The following PSTPIP1 variants were observed in gnomAD, a reference collection of about 807,000 sequenced individuals.
The protein encoded by PSTPIP1 is proline-serine-threonine phosphatase interacting protein 1, also known as proline-serine-threonine phosphatase-interacting protein 1.
Under a neutral mutation model 69.6 loss-of-function variants are expected in PSTPIP1, and 66 were observed. The observed-to-expected ratio is 0.95, with a 90% confidence interval of 0.78 to 1.16. PSTPIP1 has a LOEUF of 1.16. Among genes scored for constraint, PSTPIP1 ranks in the 50% most tolerant of loss-of-function variants. PSTPIP1 has a pLI of 0.00. For synonymous variants in PSTPIP1, 266 were observed against 222.7 expected (o/e 1.19, Z -1.73); for missense variants, 603 against 557.4 (o/e 1.08, Z -0.82).
rs2152692050 is a variant in PSTPIP1, at chr15:77,035,880, GA to G, written c.1067del (p.Asn356ThrfsTer33). ...GCCATCGCAGTGCAGGAGATACAGGGAAACCCGGCCTCACCAGCCCAGGAGT... is the reference window on the plus strand; with the variant it reads ...GCCATCGCAGTGCAGGAGATACAGGGAACCCGGCCTCACCAGCCCAGGAGT... ...YTAIAVQEIQ[G>X]NPASPAQEYR... is the part of the protein sequence containing the mutation. On this transcript the variant is annotated frameshift_variant, in exon 14 of 15. Coordinates refer to ENST00000558012, the MANE Select transcript of PSTPIP1 (RefSeq NM_003978.5). LOFTEE classifies it high-confidence loss of function. 6.2e-7 allele frequency: 1 copy of G among 1,610,480 alleles called. No homozygotes were observed.
Position 77,025,623 on chromosome 15 carries a change from G to T in PSTPIP1, c.354+19G>T, listed in dbSNP as rs1437812523. The T allele has an allele frequency of 1.3e-6, 2 of 1,530,032 alleles. No homozygotes were observed. The highest frequency in any genetic ancestry group is 1.4e-5 in the African/African-American group (1 of 72,638). 94.8% of individuals were successfully genotyped at this position (1,530,032 alleles called of 1,614,324 possible). The stretch of plus-strand genomic sequence containing the variant: ...GAAGAAGGTGAGGCAGGTGCAGGGG[G>T]CGGGGGAGCTGCTCCCCCATTGCCA... On this transcript the variant is annotated intron_variant, in intron 5 of 14. Transcript: ENST00000558012.
intron 12 of PSTPIP1, among the ~76,000 whole-genome samples, chr15:77,034,122 A>C (rs927549510): frequency 7.2e-5 from 11 of 152,104 alleles, no homozygotes; most frequent in African/African-American, 2.7e-4. Flanking sequence ...TGGGGCATCT[A>C]GAAGCCAGGC....
At chr15:77,007,880 C>T (rs1217081955) in intron 1 of PSTPIP1, 1 of 455,912 alleles carries the variant, frequency 2.2e-6, no homozygotes, top group Non-Finnish European at 4.4e-6. Context: ...AAGTGTGAGC[C>T]ACCGCGCCCG....
intron 1 of PSTPIP1, 135 bp from the exon 2 acceptor site, chr15:77,018,013 C>G: frequency 1.2e-6 from 1 of 839,164 alleles, no homozygotes; most frequent in East Asian, 2.7e-5. Context: ...TCTGGAGTCC[C>G]AAGAGCTTGC....
intron 1 of PSTPIP1, among the ~76,000 whole-genome samples, chr15:77,010,189 G>A (rs1170871760): frequency 6.6e-6 from 1 of 152,180 alleles, no homozygotes; most frequent in Admixed American, 6.5e-5. Flanking sequence ...GCCTCCAACT[G>A]CCAAATCAGC....
chr15:77,024,989 C>G (rs1312259793), intron 3 of PSTPIP1, among the ~76,000 whole-genome samples: 4 of 152,144 alleles, frequency 2.6e-5, no homozygotes, highest in Non-Finnish European at 4.4e-5. Context: ...ATCCCCTCTT[C>G]TCTAAGAATG....
intron 1 of PSTPIP1, among the ~76,000 whole-genome samples, chr15:77,010,488 C>T (rs1351387550): frequency 6.6e-6 from 1 of 152,174 alleles, no homozygotes; most frequent in East Asian, 1.9e-4. Context: ...CAGACACCTG[C>T]TCCATCTCCC....
chr15:77,012,492 T>C (rs2075965960), intron 1 of PSTPIP1, among the ~76,000 whole-genome samples: 2 of 142,298 alleles, frequency 1.4e-5, no homozygotes, highest in Non-Finnish European at 3.1e-5. Context: ...CACCCATCCA[T>C]CCACCCACCC....
rs573177137 is a variant in PSTPIP1 at position 77,027,046 on chromosome 15, G to A, written c.355-806G>A. Reference sequence around the variant, plus strand: ...CATGTGCTTACAGGATGGTGCACACGTGCCTACGCTCCCCTGCATATGCCT... The same window carrying A: ...CATGTGCTTACAGGATGGTGCACACATGCCTACGCTCCCCTGCATATGCCT... On this transcript the variant is annotated intron_variant, in intron 5 of 14. Transcript: ENST00000558012. The surrounding 1 kb of genome is among the most constrained non-coding windows in gnomAD (Gnocchi z 4.3). Among the ~76,000 whole-genome samples the A allele has an allele frequency of 7.9e-5, 12 of 152,346 alleles. No individual in the cohort carries two copies. The highest frequency in any genetic ancestry group is 3.4e-3 in the Middle Eastern group (1 of 294).
intron 11 of PSTPIP1, 40 bp from the exon 12 acceptor site, chr15:77,032,822 G>A: frequency 6.6e-7 from 1 of 1,522,456 alleles, no homozygotes; most frequent in Non-Finnish European, 8.9e-7. Context: ...AGAATGGGGT[G>A]TTGGGGGCCG....
At chr15:77,016,251 G>T (rs183875014) in intron 1 of PSTPIP1, among the ~76,000 whole-genome samples, 2 of 152,114 alleles carry the variant, frequency 1.3e-5, no homozygotes. Flanking sequence ...TTCTCAGGGC[G>T]GGGGGGTCTG....
At chr15:77,011,863 C>T (rs368568162) in intron 1 of PSTPIP1, among the ~76,000 whole-genome samples, 2 of 152,148 alleles carry the variant, frequency 1.3e-5, no homozygotes, top group African/African-American at 4.8e-5. Flanking sequence ...CATTCAGGCT[C>T]CTGGGAAGCC....
chr15:77,035,945 C>T lies in PSTPIP1; in HGVS notation c.1119+10C>T, dbSNP rs1204780160. The T allele has an allele frequency of 6.3e-7, 1 of 1,587,428 alleles. No homozygotes were observed. Among genetic ancestry groups the T allele is most frequent in the African/African-American group, 1.3e-5 (1 of 74,162 alleles). On this transcript the variant is annotated intron_variant, in intron 14 of 14. Transcript: ENST00000558012. ...CGATTATACAGCGCAGGTGAGGCCT[C>T]TATACCCCAAACCCACCTGTGCCAC...
intron 1 of PSTPIP1, among the ~76,000 whole-genome samples, chr15:77,004,879 C>A (rs59350137): frequency 0.042 from 6,233 of 149,474 alleles, 227 homozygotes; most frequent in African/African-American, 0.094. Flanking sequence ...AACAAACAAA[C>A]AAAAAAAACA....
At position 77,002,391 on chromosome 15, in the gene PSTPIP1, T is replaced by C. The variant is rs189351725; in HGVS notation, c.36+6782T>C. Among the ~76,000 whole-genome samples the C allele has an allele frequency of 2.9e-3, 435 of 152,338 alleles. 1 individual carries two copies. Among genetic ancestry groups the C allele is most frequent in the African/African-American group, 0.01 (420 of 41,574 alleles). ...GGATTTGGAAGTAGGATTCTCTCCA[T>C]CCCCCATCTAATTTTCTGCAAGTCA... On this transcript the variant is annotated intron_variant, in intron 1 of 14. Transcript: ENST00000558012.
chr15:77,026,944 G>C (rs2076293259), intron 5 of PSTPIP1, among the ~76,000 whole-genome samples: 2 of 152,260 alleles, frequency 1.3e-5, no homozygotes, highest in African/African-American at 4.8e-5. Context: ...GGGCCCCGCA[G>C]GCAGAGCGCT....
chr15:77,028,281 G>A (rs2076333511), intron 6 of PSTPIP1: 5 of 497,430 alleles, frequency 1.0e-5, no homozygotes, highest in African/African-American at 1.9e-5. Context: ...GGCGAGGGGC[G>A]TGCCCTCGCC....
At chr15:77,030,317 C>G (rs2076384042) in intron 8 of PSTPIP1, among the ~76,000 whole-genome samples, 185 bp from the exon 9 acceptor site, 2 of 152,260 alleles carry the variant, frequency 1.3e-5, no homozygotes, top group South Asian at 2.1e-4. Flanking sequence ...AGTTGGGGAG[C>G]AGCAGCAGCA....
rs2152693041 is a variant in PSTPIP1 at position 77,037,268 on chromosome 15, G to A, written c.*92G>A. 2 of 1,476,952 alleles carry A rather than the reference G, an allele frequency of 1.4e-6. No individual in the cohort carries two copies. The highest frequency in any genetic ancestry group is 1.8e-6 in the Non-Finnish European group (2 of 1,100,836). 91.5% of individuals were successfully genotyped at this position (1,476,952 alleles called of 1,614,324 possible). On this transcript the variant is annotated 3_prime_UTR_variant, in exon 15 of 15. Coordinates refer to ENST00000558012, the MANE Select transcript of PSTPIP1 (RefSeq NM_003978.5). The stretch of plus-strand genomic sequence containing the variant: ...CCACCTTGCTAGGGCCCAGAACCAA[G>A]CGTCCCCCAGCCCCGAGAGGGAGCC...
Sources: gnomAD v4.1 joint callset for allele counts (sites outside exome capture counted in the v4.1 genomes callset) on GRCh38, gnomAD v4.1.1 for gene constraint, Gnocchi (gnomAD v3.1) non-coding constraint, MANE v1.5 for transcripts, NCBI Gene and HGNC (gene_info 2026-07-23, HGNC 2026-07-21) for gene names.